The following MAPK10 variants were observed in gnomAD, a reference collection of about 807,000 sequenced individuals.
The protein encoded by MAPK10 is JNK3 alpha protein kinase.
A neutral mutation model predicts 59.3 loss-of-function variants in MAPK10; 25 were observed. The ratio of observed to expected loss-of-function variants is 0.42; its 90% CI spans 0.31 to 0.59. The LOEUF (loss-of-function observed/expected upper bound fraction) is 0.59, where lower values mean the gene tolerates loss of function less well. Ranked by LOEUF, MAPK10 falls within the 20% of genes least tolerant of loss-of-function variation. The probability of loss-of-function intolerance (pLI) is 0.15; values close to 1 mark genes in which losing one functional copy is unlikely to be tolerated. For missense variants in MAPK10, 351 were observed against 568.9 expected, an observed-to-expected ratio of 0.62 and a Z score of 3.90; for synonymous variants, 190 against 200.5, an observed-to-expected ratio of 0.95 and a Z score of 0.44.
At chr4:86,435,567 T>C (rs1199762022) in intron 1 of MAPK10, among the ~76,000 whole-genome samples, 3 of 152,056 alleles carry the variant, frequency 2.0e-5, no homozygotes, top group Non-Finnish European at 4.4e-5. Flanking sequence ...ATAATTTTTT[T>C]AAAAAAGAAA....
intron 3 of MAPK10, among the ~76,000 whole-genome samples, chr4:86,162,822 C>T (rs962353929): frequency 2.0e-5 from 3 of 152,166 alleles, no homozygotes; most frequent in Admixed American, 2.0e-4. Flanking sequence ...CTAAAAATAT[C>T]CCTGAACCTT....
chr4:86,218,481 A>G (rs2085944036), intron 2 of MAPK10, among the ~76,000 whole-genome samples: 2 of 151,910 alleles, frequency 1.3e-5, no homozygotes, highest in Admixed American at 6.6e-5. Context: ...TTTAAATCTT[A>G]AAAGTTCAAC....
chr4:86,449,808 C>T (rs1750484941), intron 1 of MAPK10, among the ~76,000 whole-genome samples: 1 of 152,226 alleles, frequency 6.6e-6, no homozygotes, highest in Admixed American at 6.5e-5. Context: ...GACTGGAGGA[C>T]AAAATTTTCC....
chr4:86,255,448 C>G (rs538799819), intron 2 of MAPK10, among the ~76,000 whole-genome samples: 9 of 152,234 alleles, frequency 5.9e-5, no homozygotes, highest in Admixed American at 2.6e-4. Context: ...GAAGACATCT[C>G]GAGAGGAAGA....
chr4:86,240,546 T>G (rs2092648984), intron 2 of MAPK10, among the ~76,000 whole-genome samples: 2 of 152,222 alleles, frequency 1.3e-5, no homozygotes, highest in Non-Finnish European at 2.9e-5. Context: ...GCATACATAT[T>G]TAGAATAGTT....
intron 1 of MAPK10, among the ~76,000 whole-genome samples, chr4:86,423,168 G>T (rs573589018): frequency 1.1e-4 from 16 of 152,182 alleles, no homozygotes; most frequent in African/African-American, 3.9e-4. Flanking sequence ...AGCAATTATG[G>T]AGACAAAAGG....
chr4:86,108,633 C>T (rs751616411), intron 4 of MAPK10, among the ~76,000 whole-genome samples: 3 of 152,134 alleles, frequency 2.0e-5, no homozygotes, highest in Non-Finnish European at 4.4e-5. Context: ...TGTTTGCCCA[C>T]CTCCAAAAAC....
At chr4:86,442,470 C>G (rs1749525642) in intron 1 of MAPK10, among the ~76,000 whole-genome samples, 1 of 152,164 alleles carries the variant, frequency 6.6e-6, no homozygotes, top group Non-Finnish European at 1.5e-5. Context: ...TTTGTTGTAT[C>G]TGCTTTAAAT....
At chr4:86,534,272 G>C (rs780131208) in intron 1 of MAPK10, among the ~76,000 whole-genome samples, 16 of 152,060 alleles carry the variant, frequency 1.1e-4, no homozygotes, top group Non-Finnish European at 2.1e-4. Context: ...AAAAGACTTA[G>C]TTATAAAATT....
chr4:86,341,323 CA>C (rs1162088053), intron 2 of MAPK10, among the ~76,000 whole-genome samples: 1 of 152,116 alleles, frequency 6.6e-6, no homozygotes, highest in Admixed American at 6.5e-5. Flanking sequence ...GTGTATGTTC[CA>C]AACAGATCTC....
intron 2 of MAPK10, among the ~76,000 whole-genome samples, chr4:86,232,527 C>T (rs2148666507): frequency 6.6e-6 from 1 of 152,260 alleles, no homozygotes; most frequent in South Asian, 2.1e-4. Context: ...GTGCTCACCA[C>T]CACGCCCAGC....
intron 9 of MAPK10, among the ~76,000 whole-genome samples, chr4:86,070,954 G>T (rs887690663): frequency 7.2e-5 from 11 of 152,044 alleles, no homozygotes; most frequent in Admixed American, 7.2e-4. Context: ...CTAGATCCCT[G>T]AGGAATCGCC....
At chr4:86,352,218 T>C (rs952439934) in intron 2 of MAPK10, 1 of 152,040 alleles carries the variant, frequency 6.6e-6, no homozygotes, top group Non-Finnish European at 1.5e-5. Context: ...ACGGTAAATA[T>C]CAGAAACTAT....
intron 1 of MAPK10, among the ~76,000 whole-genome samples, chr4:86,461,345 G>A (rs1372550548): frequency 6.6e-6 from 1 of 152,178 alleles, no homozygotes; most frequent in Non-Finnish European, 1.5e-5. Context: ...AGGGTCTGGA[G>A]GGGCTCCAAG....
chr4:86,574,914 T>C (rs1038503044), intron 1 of MAPK10, among the ~76,000 whole-genome samples: 1 of 152,190 alleles, frequency 6.6e-6, no homozygotes, highest in Non-Finnish European at 1.5e-5. Flanking sequence ...ATATGATGGT[T>C]AACATGTCAA....
At chr4:86,453,961 T>C (rs1751006042), upstream of MAPK10, among the ~76,000 whole-genome samples, 1 of 152,090 alleles carries the variant, frequency 6.6e-6, no homozygotes, top group Non-Finnish European at 1.5e-5. Flanking sequence ...CAACCCCCAG[T>C]ACCAGCCCAG....
chr4:86,184,578 G>A (rs892329201), intron 3 of MAPK10, among the ~76,000 whole-genome samples: 10 of 152,218 alleles, frequency 6.6e-5, no homozygotes, highest in African/African-American at 2.2e-4. Context: ...GGTGGGGCCT[G>A]GTGGGAGGTG....
intron 2 of MAPK10, among the ~76,000 whole-genome samples, chr4:86,339,091 A>C (rs1045669683): frequency 6.6e-6 from 1 of 152,330 alleles, no homozygotes; most frequent in African/African-American, 2.4e-5. Flanking sequence ...CTCTGCAGTC[A>C]GGCACTATTC....
intron 9 of MAPK10, among the ~76,000 whole-genome samples, chr4:86,076,470 C>T (rs1223927206): frequency 6.6e-6 from 1 of 152,166 alleles, no homozygotes; most frequent in Non-Finnish European, 1.5e-5. Flanking sequence ...AAGACTGGAA[C>T]TCCTATCTCC....
Sources: allele counts gnomAD v4.1 joint callset (sites outside exome capture counted in the v4.1 genomes callset), GRCh38; gene constraint gnomAD v4.1.1; transcripts MANE v1.5; gene names NCBI Gene and HGNC (gene_info 2026-07-23, HGNC 2026-07-21).